WNT5A: variants seen among roughly 807,000 people sequenced by gnomAD.
The protein encoded by WNT5A is Wnt family member 5A.
A neutral mutation model predicts 42.1 loss-of-function variants in WNT5A; 9 were observed. The ratio of observed to expected loss-of-function variants is 0.21; its 90% CI spans 0.13 to 0.37. The LOEUF (loss-of-function observed/expected upper bound fraction) is 0.37, where lower values mean the gene tolerates loss of function less well. Among genes scored for constraint, WNT5A ranks in the 10% least tolerant of loss-of-function variants. The pLI is 1.00. For synonymous variants in WNT5A, 210 were observed against 210.0 expected, an observed-to-expected ratio of 1.00 and a Z score of 0.00; for missense variants, 426 against 534.0, an observed-to-expected ratio of 0.80 and a Z score of 1.99.
rs776147539 is a variant in WNT5A at position 55,474,481 on chromosome 3, G to A, written c.540C>T (p.Gly180=). 10 of 1,599,366 alleles carry A rather than the reference G, an allele frequency of 6.3e-6. No homozygotes were observed. Among genetic ancestry groups the A allele is most frequent in the South Asian group, 5.6e-5 (5 of 89,104 alleles). ...PKDLPRDWLW[G]GCGDNIDYGY... ...CATAGTCGATGTTGTCGCCGCAGCCGCCCCAGAGCCAGTCCCGCGGCAGGT... is the reference window on the plus strand; with the variant it reads ...CATAGTCGATGTTGTCGCCGCAGCCACCCCAGAGCCAGTCCCGCGGCAGGT... The change falls in exon 4 of 5, where the codon GGC becomes GGT. Residue 180 remains glycine (G), a synonymous_variant. Coordinates refer to ENST00000264634, the MANE Select transcript of WNT5A (RefSeq NM_003392.7).
chr3:55,477,216 C>T (rs1178698570), intron 3 of WNT5A, among the ~76,000 whole-genome samples: 1 of 152,198 alleles, frequency 6.6e-6, no homozygotes, highest in Non-Finnish European at 1.5e-5. Context: ...CAAATACACT[C>T]TTAAGTGGAA....
In WNT5A at chr3:55,466,930, T is replaced by A. The variant is rs1225568391; in HGVS notation, c.*3162A>T. ...TAAAAGGTTTCAATATGTTACAAGG[T>A]TATCCGGAAAGAGAAAAAGCAAAGG... On this transcript the variant is annotated 3_prime_UTR_variant, in exon 5 of 5. Coordinates refer to ENST00000264634, the MANE Select transcript of WNT5A (RefSeq NM_003392.7). 3 of 152,450 alleles carry A rather than the reference T, an allele frequency of 2.0e-5. No homozygotes were observed. Among genetic ancestry groups the A allele is most frequent in the Non-Finnish European group, 4.4e-5 (3 of 68,044 alleles). 9.4% of individuals were successfully genotyped at this position (152,450 alleles called of 1,614,324 possible).
chr3:55,479,224 T>C (rs1161318820), intron 3 of WNT5A, 90 bp downstream of exon 3: 5 of 1,389,848 alleles, frequency 3.6e-6, no homozygotes, highest in Non-Finnish European at 2.8e-6. Context: ...TCCTCCTTCA[T>C]GCTTTCTATC....
chr3:55,477,768 G>C (rs763046438), intron 3 of WNT5A, among the ~76,000 whole-genome samples: 1 of 152,066 alleles, frequency 6.6e-6, no homozygotes, highest in Non-Finnish European at 1.5e-5. Flanking sequence ...AACGAGAGGA[G>C]GATCTTAAAT....
rs1018751883 is a variant in WNT5A at position 55,468,940 on chromosome 3, G to C, written c.*1152C>G. On this transcript the variant is annotated 3_prime_UTR_variant, in exon 5 of 5. Transcript: ENST00000264634. ...AACAAAAATCCCTAAGTAGTGAACT[G>C]TTTTCCAAGCAGAGCTCCTAATGTT... 6.6e-6 allele frequency: 1 copy of C among 152,192 alleles called. No homozygotes were observed. Among genetic ancestry groups the C allele is most frequent in the African/African-American group, 2.4e-5 (1 of 41,446 alleles). 9.4% of individuals were successfully genotyped at this position (152,192 alleles called of 1,614,324 possible). A position where few individuals can be genotyped will look rare whatever the true frequency, so the allele number is the denominator to read the frequency against.
At chr3:55,477,973 A>C (rs577956404) in intron 3 of WNT5A, among the ~76,000 whole-genome samples, 1 of 152,350 alleles carries the variant, frequency 6.6e-6, no homozygotes, top group African/African-American at 2.4e-5. Context: ...ATTTTTCAAA[A>C]GTATTTAAGT....
rs2106955051 is a variant in WNT5A, at chr3:55,480,843, C to T, written c.82G>A (p.Val28Met). The change falls in exon 2 of 5, where the codon GTG becomes ATG. Residue 28 changes from valine (V) to methionine (M), a missense_variant. Val to Met is a conservative substitution (Grantham distance 21, BLOSUM62 1). Around this residue, in one of 3 missense-constraint regions of WNT5A, gnomAD observed 62 missense variants for 49.0 expected, o/e 1.26. Transcript: ENST00000264634. ...GSAMSSKFFL[V>M]ALAIFFSFAQ... ...AAGGAGAAAAATATGGCCAAAGCCA[C>T]TAGGAAGAACTTGGAAGACATTGCA... 1 of 1,585,690 alleles carries T rather than the reference C, an allele frequency of 6.3e-7. No homozygotes were observed.
intron 1 of WNT5A, among the ~76,000 whole-genome samples, chr3:55,482,216 G>T (rs1055366472): frequency 3.3e-5 from 5 of 152,230 alleles, no homozygotes; most frequent in Non-Finnish European, 5.9e-5. Flanking sequence ...CCCCAGCGGC[G>T]AAGGTTCCCT....
upstream of WNT5A, among the ~76,000 whole-genome samples, chr3:55,492,736 G>A (rs1276602530): frequency 1.3e-5 from 2 of 152,192 alleles, no homozygotes; most frequent in Non-Finnish European, 2.9e-5. Flanking sequence ...TGAGCTCTAT[G>A]TGCCAGATGC....
intron 2 of WNT5A, among the ~76,000 whole-genome samples, chr3:55,480,291 C>T (rs1303997916): frequency 6.6e-6 from 1 of 152,206 alleles, no homozygotes; most frequent in Non-Finnish European, 1.5e-5. Flanking sequence ...TCAAGTTAAC[C>T]TCCTTTTGAT....
In WNT5A at chr3:55,466,738, A is replaced by G. The variant is rs1447735655; in HGVS notation, c.*3354T>C. 6.6e-6 allele frequency: 1 copy of G among 152,624 alleles called. No homozygotes were observed. The highest frequency in any genetic ancestry group is 1.5e-5 in the Non-Finnish European group (1 of 68,038). The allele number at this position is 152,624 out of a possible 1,614,324, so 9.5% of individuals were successfully genotyped here. On this transcript the variant is annotated 3_prime_UTR_variant, in exon 5 of 5. Coordinates refer to ENST00000264634, the MANE Select transcript of WNT5A (RefSeq NM_003392.7). The stretch of plus-strand genomic sequence containing the variant: ...ATACGCTGACACTGCTAAATCGGGT[A>G]TATGTTTTTGCAATAAAGAACACTG...
At chr3:55,471,798 G>A (rs1020054093) in intron 4 of WNT5A, among the ~76,000 whole-genome samples, 2 of 152,200 alleles carry the variant, frequency 1.3e-5, no homozygotes, top group African/African-American at 2.4e-5. Context: ...CAGAGTCCAC[G>A]TGGTGTGAGT....
At chr3:55,475,517 C>T (rs746677189) in intron 3 of WNT5A, among the ~76,000 whole-genome samples, 23 of 152,202 alleles carry the variant, frequency 1.5e-4, no homozygotes, top group African/African-American at 5.1e-4. Flanking sequence ...ATAAATGAAG[C>T]TTGCTATTCT....
chr3:55,479,250 G>A (rs1559556148), intron 3 of WNT5A, 64 bp downstream of exon 3: 1 of 1,433,994 alleles, frequency 7.0e-7, no homozygotes, highest in African/African-American at 1.4e-5. Flanking sequence ...TGAAGTAAAT[G>A]CTAAGGATTT....
At chr3:55,474,063 A>C (rs539743426) in intron 4 of WNT5A, among the ~76,000 whole-genome samples, 1 of 152,130 alleles carries the variant, frequency 6.6e-6, no homozygotes, top group East Asian at 1.9e-4. Context: ...GAGGAAAGAG[A>C]GGTAGACAAA....
intron 3 of WNT5A, among the ~76,000 whole-genome samples, chr3:55,477,503 G>T (rs1575401113): frequency 1.3e-5 from 2 of 152,018 alleles, no homozygotes; most frequent in Admixed American, 6.6e-5. Context: ...TGTCTCAGAG[G>T]GTGTGGAGAG....
upstream of WNT5A, among the ~76,000 whole-genome samples, chr3:55,488,808 G>T (rs2051622698): frequency 6.6e-6 from 1 of 152,174 alleles, no homozygotes; most frequent in South Asian, 2.1e-4. Flanking sequence ...ATCCCAGACC[G>T]CTCCCACTGG....
chr3:55,474,610 G>A lies in WNT5A; in HGVS notation c.411C>T (p.Phe137=), dbSNP rs1306332401. 4 of 1,438,596 alleles carry A rather than the reference G, an allele frequency of 2.8e-6. No homozygotes were observed. The highest frequency in any genetic ancestry group is 3.6e-6 in the Non-Finnish European group (4 of 1,099,546). The allele number at this position is 1,438,596 out of a possible 1,614,324, so 89.1% of individuals were successfully genotyped here. A position where few individuals can be genotyped will look rare whatever the true frequency, so the allele number is the denominator to read the frequency against. ...VMQIGSRETA[F]TYAVSAAGVV... ...CCCCTGCTGCGCTCACCGCGTATGT[G>A]AAGGCCGTCTCGCGGCTGCCTGTGG... Residue 137 remains phenylalanine (F), a synonymous_variant, in exon 4 of 5, where the codon TTC becomes TTT. Coordinates refer to ENST00000264634, the MANE Select transcript of WNT5A (RefSeq NM_003392.7).
At chr3:55,494,906 C>G (rs2051699691), upstream of WNT5A, among the ~76,000 whole-genome samples, 1 of 152,148 alleles carries the variant, frequency 6.6e-6, no homozygotes, top group Non-Finnish European at 1.5e-5. Flanking sequence ...AACAAACAGT[C>G]CTCCTTTCAT....
Sources: gnomAD v4.1 joint callset for allele counts (sites outside exome capture counted in the v4.1 genomes callset) on GRCh38, gnomAD v4.1.1 for gene constraint, gnomAD v4.1.1 regional missense constraint, MANE v1.5 for transcripts, NCBI Gene and HGNC (gene_info 2026-07-23, HGNC 2026-07-21) for gene names.